Variants in IRAK1BP1 observed in about 807,000 individuals in gnomAD.
IRAK1BP1 encodes the protein interleukin-1 receptor-associated kinase 1-binding protein 1.
A neutral mutation model predicts 28.0 loss-of-function variants in IRAK1BP1; 24 were observed. The ratio of observed to expected loss-of-function variants is 0.86; its 90% CI spans 0.62 to 1.20. The LOEUF (loss-of-function observed/expected upper bound fraction) is 1.20. IRAK1BP1 is among the 50% of genes most tolerant of loss of function. The pLI is 0.00. For missense variants in IRAK1BP1, 336 were observed against 316.7 expected (o/e 1.06, Z -0.46); for synonymous variants, 131 against 116.3 (o/e 1.13, Z -0.81).
intron 1 of IRAK1BP1, 30 bp from the exon 2 acceptor site, chr6:78,885,347 TA>T: frequency 8.1e-7 from 1 of 1,241,712 alleles, no homozygotes; most frequent in Non-Finnish European, 1.2e-6. Context: ...AAATATTTAG[TA>T]ATCATACTCT....
intron 1 of IRAK1BP1, chr6:78,871,976 C>G: frequency 3.9e-6 from 2 of 513,338 alleles, no homozygotes; most frequent in Non-Finnish European, 6.9e-6. Context: ...GGAATCCACT[C>G]TCTGCAAATG....
At chr6:78,871,592 G>A in intron 1 of IRAK1BP1, 1 of 928,358 alleles carries the variant, frequency 1.1e-6, no homozygotes, top group African/African-American at 1.8e-5. Flanking sequence ...ATTTATAGTT[G>A]AAACCTAATC....
chr6:78,896,536 T>A (rs1458671044), intron 2 of IRAK1BP1, among the ~76,000 whole-genome samples: 4 of 152,298 alleles, frequency 2.6e-5, no homozygotes, highest in Admixed American at 2.6e-4. Flanking sequence ...GGAGAATGTA[T>A]CAGTAGTTGC....
At chr6:78,891,614 AC>A (rs1771665239) in intron 2 of IRAK1BP1, among the ~76,000 whole-genome samples, 1 of 152,062 alleles carries the variant, frequency 6.6e-6, no homozygotes, top group Admixed American at 6.6e-5. Flanking sequence ...GGCTCCTGCC[AC>A]CACACCTGGC....
chr6:78,942,280 C>T (rs559054944), intron 4 of IRAK1BP1, among the ~76,000 whole-genome samples: 34 of 152,244 alleles, frequency 2.2e-4, no homozygotes, highest in African/African-American at 7.7e-4. Context: ...GTCAGGAGTT[C>T]GAGACCAGCC....
the IRAK1BP1 span, among the ~76,000 whole-genome samples, chr6:78,966,980 T>G: frequency 6.6e-6 from 1 of 152,260 alleles, no homozygotes; most frequent in Admixed American, 6.5e-5. Flanking sequence ...CTGGTAGTTT[T>G]TGACTAATGA....
At chr6:78,967,676 T>A in the IRAK1BP1 span, among the ~76,000 whole-genome samples, 1 of 152,158 alleles carries the variant, frequency 6.6e-6, no homozygotes, top group Non-Finnish European at 1.5e-5. Flanking sequence ...AATTGTAAGA[T>A]CCAAATGAGA....
At chr6:78,904,252 T>G (rs1169841423), downstream of IRAK1BP1, among the ~76,000 whole-genome samples, 1 of 152,238 alleles carries the variant, frequency 6.6e-6, no homozygotes, top group African/African-American at 2.4e-5. Flanking sequence ...CATTCTGTTG[T>G]GTAAACAAGC....
exon 5 of IRAK1BP1, chr6:78,946,400 T>C: frequency 7.2e-7 from 1 of 1,389,700 alleles, no homozygotes; most frequent in Non-Finnish European, 9.5e-7. Flanking sequence ...TTCATATGAT[T>C]GTGAGCCTTT....
chr6:78,869,278 G>A (rs1000626606), intron 1 of IRAK1BP1, among the ~76,000 whole-genome samples: 4 of 152,220 alleles, frequency 2.6e-5, no homozygotes, highest in African/African-American at 7.2e-5. Context: ...CCAACACTTT[G>A]GGAGGCCAAG....
At chr6:78,933,242 A>T (rs567041373) in intron 4 of IRAK1BP1, among the ~76,000 whole-genome samples, 87 of 152,278 alleles carry the variant, frequency 5.7e-4, no homozygotes, top group African/African-American at 2.1e-3. Context: ...TTCATCAATG[A>T]TATTAGCTAA....
chr6:78,975,694 ATG>A, the IRAK1BP1 span, among the ~76,000 whole-genome samples: 1 of 152,220 alleles, frequency 6.6e-6, no homozygotes, highest in Admixed American at 6.5e-5. Context: ...TACAAAATCA[ATG>A]TGCAAAAATC....
the IRAK1BP1 span, chr6:78,963,337 A>G: frequency 2.9e-6 from 3 of 1,031,858 alleles, no homozygotes; most frequent in Non-Finnish European, 4.2e-6. Flanking sequence ...TAACAGTCAC[A>G]AAATTAAAGT....
At chr6:78,952,086 G>C in the IRAK1BP1 span, among the ~76,000 whole-genome samples, 1 of 151,744 alleles carries the variant, frequency 6.6e-6, no homozygotes, top group Non-Finnish European at 1.5e-5. Flanking sequence ...TGTATATCCC[G>C]ATCAGGAATC....
chr6:78,920,499 C>T (rs1018895946), intron 4 of IRAK1BP1, among the ~76,000 whole-genome samples: 3 of 152,100 alleles, frequency 2.0e-5, no homozygotes, highest in Non-Finnish European at 2.9e-5. Context: ...TCTGTAGCTG[C>T]TCTTTGACAA....
chr6:78,869,603 A>G (rs1011902319), intron 1 of IRAK1BP1, among the ~76,000 whole-genome samples: 1 of 152,122 alleles, frequency 6.6e-6, no homozygotes, highest in African/African-American at 2.4e-5. Flanking sequence ...AAAGACAGTA[A>G]CCTCCCAATT....
At chr6:78,885,652 GT>G (rs1771403112) in intron 2 of IRAK1BP1, among the ~76,000 whole-genome samples, 1 of 152,148 alleles carries the variant, frequency 6.6e-6, no homozygotes, top group African/African-American at 2.4e-5. Context: ...AAAACAGCAA[GT>G]GGGAAATAGC....
chr6:78,898,338 T>C lies in IRAK1BP1; in HGVS notation c.*4T>C. On this transcript the variant is annotated 3_prime_UTR_variant, in exon 4 of 4. Coordinates refer to ENST00000369940, the MANE Select transcript of IRAK1BP1 (RefSeq NM_001010844.4). ...GAAGAGAAAAAAGCACCTTTGAAAT[T>C]CCAAACAAATTATATTGTACTTGTA... 1 of 1,474,306 alleles carries C rather than the reference T, an allele frequency of 6.8e-7. No homozygotes were observed. The highest frequency in any genetic ancestry group is 9.2e-7 in the Non-Finnish European group (1 of 1,082,300). The allele number at this position is 1,474,306 out of a possible 1,614,324, so 91.3% of individuals were successfully genotyped here. A position where few individuals can be genotyped will look rare whatever the true frequency, so the allele number is the denominator to read the frequency against.
the IRAK1BP1 span, chr6:78,961,794 A>T: frequency 6.2e-7 from 1 of 1,610,572 alleles, no homozygotes; most frequent in Non-Finnish European, 8.5e-7. Context: ...CGGGGGCCAC[A>T]AATGCTGAGG....
Sources: allele counts gnomAD v4.1 joint callset (sites outside exome capture counted in the v4.1 genomes callset), GRCh38; gene constraint gnomAD v4.1.1; transcripts MANE v1.5; gene names NCBI Gene and HGNC (gene_info 2026-07-23, HGNC 2026-07-21).